Variants in CTNNA3 observed in about 807,000 individuals in gnomAD.
CTNNA3 encodes the protein catenin alpha-3.
CTNNA3 carries 76 observed loss-of-function variants against 95.7 expected under a neutral mutation model. That is an observed-to-expected ratio of 0.79 (90% CI 0.66 to 0.96). The LOEUF is 0.96. Among genes scored for constraint, CTNNA3 ranks in the 40% least tolerant of loss-of-function variants. CTNNA3 has a pLI of 0.00. For synonymous variants in CTNNA3, 431 were observed against 374.4 expected, an observed-to-expected ratio of 1.15 and a Z score of -1.74; for missense variants, 1,191 against 1,089.8, an observed-to-expected ratio of 1.09 and a Z score of -1.31.
intron 7 of CTNNA3, among the ~76,000 whole-genome samples, chr10:67,045,034 T>C (rs541243603): frequency 1.3e-5 from 2 of 152,248 alleles, no homozygotes; most frequent in Non-Finnish European, 2.9e-5. Flanking sequence ...AGGTTCCCAA[T>C]AGCATAGCTT....
chr10:66,993,154 T>C (rs956291561), intron 7 of CTNNA3, among the ~76,000 whole-genome samples: 168 of 152,250 alleles, frequency 1.1e-3, no homozygotes, highest in African/African-American at 3.6e-3. Flanking sequence ...AGCTGACAAA[T>C]GGGAGCTCAG....
intron 7 of CTNNA3, among the ~76,000 whole-genome samples, chr10:66,791,629 T>G (rs560561651): frequency 2.0e-5 from 3 of 152,358 alleles, no homozygotes; most frequent in South Asian, 4.1e-4. Flanking sequence ...ATGAAAATAC[T>G]AGCAGGGAAG....
intron 7 of CTNNA3, among the ~76,000 whole-genome samples, chr10:67,079,937 G>A (rs1038211771): frequency 6.6e-6 from 1 of 151,050 alleles, no homozygotes; most frequent in African/African-American, 2.4e-5. Context: ...ACAGCAGCAT[G>A]TAAGAAGTGT....
At position 66,553,261 on chromosome 10, in the gene CTNNA3, C is replaced by T. The variant is rs1842277727; in HGVS notation, c.1375-32488G>A. On this transcript the variant is annotated intron_variant, in intron 10 of 17. Transcript: ENST00000433211. ...TTGCTATATGACTCATTTTTTAATA[C>T]ATTTATATTTGGTGGAATTACTGGC... 5.3e-5 allele frequency among the ~76,000 whole-genome samples: 8 copies of T among 151,722 alleles called. No individual in the cohort carries two copies. In the South Asian group the frequency reaches 1.7e-3, roughly 31 times the overall value.
chr10:67,524,774 T>C (rs1279002912), intron 4 of CTNNA3, among the ~76,000 whole-genome samples: 1 of 152,160 alleles, frequency 6.6e-6, no homozygotes, highest in Non-Finnish European at 1.5e-5. Context: ...CCTGCACACA[T>C]GTACGCTTAA....
At chr10:67,628,737 A>C (rs1173366014) in intron 2 of CTNNA3, among the ~76,000 whole-genome samples, 1 of 152,152 alleles carries the variant, frequency 6.6e-6, no homozygotes, top group Non-Finnish European at 1.5e-5. Flanking sequence ...GTCATTCATA[A>C]TTATGAGTGT....
intron 17 of CTNNA3, among the ~76,000 whole-genome samples, chr10:65,948,108 T>C (rs1424517830): frequency 6.0e-4 from 91 of 152,052 alleles, no homozygotes; most frequent in Non-Finnish European, 5.9e-5. Flanking sequence ...AAACCCCGTC[T>C]CTACTAAAAA....
intron 10 of CTNNA3, among the ~76,000 whole-genome samples, chr10:66,572,754 G>A (rs1265640913): frequency 6.6e-6 from 1 of 152,126 alleles, no homozygotes; most frequent in Non-Finnish European, 1.5e-5. Context: ...ATCAGTCTTT[G>A]CAAAGAGAGG....
intron 9 of CTNNA3, among the ~76,000 whole-genome samples, chr10:66,747,614 G>A (rs1838938034): frequency 6.6e-6 from 1 of 152,170 alleles, no homozygotes; most frequent in Non-Finnish European, 1.5e-5. Context: ...CGCAGAAAAT[G>A]TCTAAGACTG....
intron 4 of CTNNA3, among the ~76,000 whole-genome samples, chr10:67,535,941 A>G (rs761586206): frequency 6.6e-6 from 1 of 152,118 alleles, no homozygotes; most frequent in Non-Finnish European, 1.5e-5. Flanking sequence ...AGCCATTCAC[A>G]TTATAAGACA....
chr10:66,725,615 C>T (rs1848756865), intron 9 of CTNNA3, among the ~76,000 whole-genome samples: 1 of 152,056 alleles, frequency 6.6e-6, no homozygotes, highest in South Asian at 2.1e-4. Flanking sequence ...ACAACATTGC[C>T]CAGTTACTCC....
chr10:67,085,781 A>T (rs1407676253), intron 7 of CTNNA3, among the ~76,000 whole-genome samples: 1 of 152,028 alleles, frequency 6.6e-6, no homozygotes, highest in Non-Finnish European at 1.5e-5. Flanking sequence ...AACTTTTACT[A>T]ATACGCAAGC....
intron 5 of CTNNA3, among the ~76,000 whole-genome samples, chr10:67,464,103 C>A (rs557215648): frequency 6.6e-6 from 1 of 152,268 alleles, no homozygotes; most frequent in Admixed American, 6.5e-5. Context: ...CATTGAAACT[C>A]GATCCTGTTA....
intron 12 of CTNNA3, among the ~76,000 whole-genome samples, chr10:66,340,099 T>C (rs1333853067): frequency 6.6e-6 from 1 of 151,838 alleles, no homozygotes; most frequent in African/African-American, 2.4e-5. Context: ...TTTGTGGGTC[T>C]TGGTTGACAC....
rs527354868 is a variant in CTNNA3 at position 66,185,936 on chromosome 10, T to G, written c.1885-82687A>C. On this transcript the variant is annotated intron_variant, in intron 13 of 17. Coordinates refer to ENST00000433211, the MANE Select transcript of CTNNA3 (RefSeq NM_013266.4). ...TCTCTCTCATCACACACTCTCTCTC[T>G]CTATATATATATACACATACACATA... 2.6e-5 allele frequency among the ~76,000 whole-genome samples: 4 copies of G among 152,056 alleles called. No individual in the cohort carries two copies. The South Asian group carries it at 8.3e-4, about 31-fold the overall frequency.
intron 10 of CTNNA3, among the ~76,000 whole-genome samples, chr10:66,586,388 G>C (rs1843362500): frequency 6.6e-6 from 1 of 152,064 alleles, no homozygotes; most frequent in African/African-American, 2.4e-5. Flanking sequence ...CTTTTCATGG[G>C]GAAGTGAAGG....
chr10:66,063,530 C>T (rs1042645419), intron 15 of CTNNA3, among the ~76,000 whole-genome samples: 25 of 151,450 alleles, frequency 1.7e-4, no homozygotes, highest in African/African-American at 3.9e-4. Flanking sequence ...ATTTCTTCCT[C>T]TTTCCCATGG....
At chr10:67,665,328 C>T (rs767434911) in intron 1 of CTNNA3, among the ~76,000 whole-genome samples, 1 of 152,132 alleles carries the variant, frequency 6.6e-6, no homozygotes, top group Non-Finnish European at 1.5e-5. Context: ...TTGGAGCTTT[C>T]ATAAAATAGT....
intron 16 of CTNNA3, among the ~76,000 whole-genome samples, chr10:65,986,692 A>G (rs1250446278): frequency 1.4e-5 from 2 of 143,672 alleles, no homozygotes; most frequent in African/African-American, 2.5e-5. Flanking sequence ...CATTTTTTAC[A>G]TAGATAGAAA....
Sources: gnomAD v4.1 joint callset for allele counts (sites outside exome capture counted in the v4.1 genomes callset) on GRCh38, gnomAD v4.1.1 for gene constraint, MANE v1.5 for transcripts, NCBI Gene and HGNC (gene_info 2026-07-23, HGNC 2026-07-21) for gene names.